Variants in TTN observed in about 807,000 individuals in gnomAD.
TTN encodes titin.
In TTN, 1,525 loss-of-function variants were observed where a neutral mutation model predicts 3,223.0. The observed-to-expected ratio is 0.47, with a 90% CI of 0.45 to 0.49. The LOEUF is 0.49. Ranked by LOEUF, TTN falls within the 20% of genes least tolerant of loss-of-function variation. The pLI is 0.00. For missense variants in TTN, 40,786 were observed against 43,424.0 expected (o/e 0.94, Z 5.40); for synonymous variants, 14,094 against 15,161.0 (o/e 0.93, Z 5.17).
rs1576541228 is a variant in TTN at position 178,620,066 on chromosome 2, C to A, written c.46351G>T (p.Asp15451Tyr). The change falls in exon 249 of 363, where the codon GAT becomes TAT. Residue 15451 changes from aspartate to tyrosine, a missense_variant. Physicochemically the swap from Asp to Tyr is radical, Grantham distance 160 (BLOSUM62 -3). Coordinates refer to ENST00000589042, the MANE Select transcript of TTN (RefSeq NM_001267550.2). ...TCACACTCATCATCCAGCCTGCAAT[C>A]TTTTATAATGAGTCTGTGTATACTT... is the stretch of plus-strand genomic sequence containing the variant. Reference protein sequence around the residue: ...DGSIHRLIIKDCRLDDECEYA... With the variant: ...DGSIHRLIIKYCRLDDECEYA... 6 of 1,611,884 alleles carry A rather than the reference C, an allele frequency of 3.7e-6. No homozygotes were observed. The highest frequency in any genetic ancestry group is 5.1e-6 in the Non-Finnish European group (6 of 1,178,784).
Position 178,718,218 on chromosome 2 carries a change from G to C in TTN, c.24788C>G (p.Pro8263Arg). Residue 8263 changes from proline (P) to arginine (R), a missense_variant, in exon 86 of 363, where the codon CCA (proline) becomes CGA (arginine). Physicochemically the swap from Pro to Arg is moderately radical, Grantham distance 103. Transcript: ENST00000589042. ...TTCCAGAGGTTCAATAAAGTACGGT[G>C]GTTCTATGGTACAAAGGATGGTAGT... ...ICEALVSVLE[P>R]PYFIEPLEHV... 1 of 1,597,446 alleles carries C rather than the reference G, an allele frequency of 6.3e-7. No homozygotes were observed. The highest frequency in any genetic ancestry group is 8.5e-7 in the Non-Finnish European group (1 of 1,174,704).
In TTN at chr2:178,624,749, A is replaced by G; in HGVS notation, c.44549-18T>C. The G allele has an allele frequency of 6.2e-7, 1 of 1,609,980 alleles. No homozygotes were observed. On this transcript the variant is annotated intron_variant, in intron 241 of 362. Coordinates refer to ENST00000589042, the MANE Select transcript of TTN (RefSeq NM_001267550.2). ...TGGGGGTTCTGAAAGAATCATACTC[A>G]TTAGCCAAGGTACTCCTTTCCTTCT...
At chr2:178,679,309 C>T (rs752885435) in intron 142 of TTN, 30 bp downstream of exon 142, 1 of 1,606,208 alleles carries the variant, frequency 6.2e-7, no homozygotes, top group South Asian at 1.1e-5. Context: ...AATTATCATG[C>T]TATTCCACTG....
chr2:178,570,621 C>T lies in TTN; in HGVS notation c.75511G>A (p.Val25171Ile). 1 of 1,613,470 alleles carries T rather than the reference C, an allele frequency of 6.2e-7. No individual in the cohort carries two copies. The highest frequency in any genetic ancestry group is 8.5e-7 in the Non-Finnish European group (1 of 1,179,618). Reference sequence around the variant, plus strand: ...CTGTCGACACGTACTGCATCTTTTACACTGAGACTGGTGGCAAAGTCGGTG... The same window carrying T: ...CTGTCGACACGTACTGCATCTTTTATACTGAGACTGGTGGCAAAGTCGGTG... ...KSTDFATSLS[V>I]KDAVRVDSGN... Residue 25171 changes from valine (V) to isoleucine (I), a missense_variant, in exon 326 of 363, where the codon GTA becomes ATA. Transcript: ENST00000589042.
Position 178,561,884 on chromosome 2 carries a change from C to A in TTN, c.84248G>T (p.Gly28083Val). 6.2e-7 allele frequency: 1 copy of A among 1,613,586 alleles called. No individual in the cohort carries two copies. Among genetic ancestry groups the A allele is most frequent in the Non-Finnish European group, 8.5e-7 (1 of 1,179,736 alleles). Residue 28083 changes from glycine to valine, a missense_variant, in exon 326 of 363, where the codon GGT (glycine) becomes GTT (valine). By Grantham distance (109) the Gly-to-Val change is moderately radical (BLOSUM62 -3). Transcript: ENST00000589042. ...AATGTAATTGCTAATTTGGCAGCCACCATCATATTCTGGAGGATTCCAAGA... is the reference window on the plus strand; with the variant it reads ...AATGTAATTGCTAATTTGGCAGCCAACATCATATTCTGGAGGATTCCAAGA... ...TISWNPPEYD[G>V]GCQISNYIVE...
intron 278 of TTN, among the ~76,000 whole-genome samples, chr2:178,606,180 G>A (rs2054754793): frequency 6.6e-6 from 1 of 151,980 alleles, no homozygotes; most frequent in Non-Finnish European, 1.5e-5. Context: ...TGTATGTAAT[G>A]CTGCTGAAGT....
chr2:178,587,852 A>G, intron 305 of TTN, 47 bp downstream of exon 305: 1 of 1,566,414 alleles, frequency 6.4e-7, no homozygotes, highest in Non-Finnish European at 8.7e-7. Flanking sequence ...TGGGGAAATC[A>G]TAAGAAATTA....
chr2:178,530,214 AG>A, intron 358 of TTN, 26 bp downstream of exon 358: 1 of 1,563,446 alleles, frequency 6.4e-7, no homozygotes, highest in Non-Finnish European at 8.6e-7. Context: ...AGAAGATAAA[AG>A]AAAGAGACAT....
In TTN at chr2:178,701,115, AAT is replaced by A; in HGVS notation, c.30682+3_30682+4del. 1 of 1,613,364 alleles carries A rather than the reference AAT, an allele frequency of 6.2e-7. No individual in the cohort carries two copies. Among genetic ancestry groups the A allele is most frequent in the Non-Finnish European group, 8.5e-7 (1 of 1,179,380 alleles). ...TTCGACATCTAGGTAGATGAGGTAT[AAT>A]ACCTTCAATACGTTTTGGTGGTGGT... is the stretch of plus-strand genomic sequence containing the variant. On this transcript the variant is annotated splice_donor_region_variant and intron_variant, in intron 111 of 362. Coordinates refer to ENST00000589042, the MANE Select transcript of TTN (RefSeq NM_001267550.2).
In TTN at chr2:178,575,592, C is replaced by T; in HGVS notation, c.70540G>A (p.Glu23514Lys). Reference sequence around the variant, plus strand: ...TCTGTTGGCTCACCAATTCCATATTCATTCTCTGCCATCACTCTGAAGAAA... The same window carrying T: ...TCTGTTGGCTCACCAATTCCATATTTATTCTCTGCCATCACTCTGAAGAAA... ...EYFFRVMAEN[E>K]YGIGEPTETT... Residue 23514 changes from glutamate to lysine, a missense_variant, in exon 326 of 363, where the codon GAA (glutamate) becomes AAA (lysine). Glu to Lys is a moderately conservative substitution (Grantham distance 56). Coordinates refer to ENST00000589042, the MANE Select transcript of TTN (RefSeq NM_001267550.2). The surrounding 1 kb of genome is among the most constrained non-coding windows in gnomAD (Gnocchi z 4.0). 6.2e-7 allele frequency: 1 copy of T among 1,613,656 alleles called. No individual in the cohort carries two copies. Among genetic ancestry groups the T allele is most frequent in the Non-Finnish European group, 8.5e-7 (1 of 1,179,656 alleles).
rs587780987 is a variant in TTN, at chr2:178,767,828, G to A, written c.9402C>T (p.Asn3134=). 60 of 1,613,978 alleles carry A rather than the reference G, an allele frequency of 3.7e-5. No individual in the cohort carries two copies. The highest frequency in any genetic ancestry group is 2.2e-4 in the East Asian group (10 of 44,872). Residue 3134 remains asparagine (N), a synonymous_variant, in exon 40 of 363, where the codon AAC becomes AAT. Coordinates refer to ENST00000589042, the MANE Select transcript of TTN (RefSeq NM_001267550.2). ...AGKYTVVAGG[N]VSTAKLFVEG... ...CTACAAAGAGTTTTGCAGTTGACAC[G>A]TTGCCTCCTGCCACCACTGTGTACT...
At position 178,647,240 on chromosome 2, in the gene TTN, T is replaced by A. The variant is rs891889668; in HGVS notation, c.40142-96A>T. 12 of 1,189,022 alleles carry A rather than the reference T, an allele frequency of 1.0e-5. No homozygotes were observed. In the Admixed American group the frequency reaches 3.0e-4, roughly 30 times the overall value. 73.7% of individuals were successfully genotyped at this position (1,189,022 alleles called of 1,614,324 possible). On this transcript the variant is annotated intron_variant, in intron 214 of 362. Coordinates refer to ENST00000589042, the MANE Select transcript of TTN (RefSeq NM_001267550.2). The stretch of plus-strand genomic sequence containing the variant: ...TCAACCTAGTTACATTAAGTAACAC[T>A]CTATAACAGATTATTCAGATGACCC...
rs898701169 is a variant in TTN, at chr2:178,552,290, C to T, written c.90610G>A (p.Val30204Ile). 6.2e-7 allele frequency: 1 copy of T among 1,613,358 alleles called. No homozygotes were observed. The highest frequency in any genetic ancestry group is 1.1e-5 in the South Asian group (1 of 90,928). The change falls in exon 335 of 363, where the codon GTT becomes ATT. Residue 30204 changes from valine to isoleucine, a missense_variant. Transcript: ENST00000589042. ...CTACACACTGCATTATCAAGAATAA[C>T]AGTGTATTTTCCTCCATGCTCCTTC... ...AKKEHGGKYT[V>I]ILDNAVCRIA...
At position 178,549,713 on chromosome 2, in the gene TTN, A is replaced by G. The variant is rs369342933; in HGVS notation, c.92009T>C (p.Ile30670Thr). 1.3e-4 allele frequency: 202 copies of G among 1,613,736 alleles called. 1 individual carries two copies. The East Asian group carries it at 3.9e-3, about 31-fold the overall frequency. Reference sequence around the variant, plus strand: ...ACTTTGGGCTTCACATTTATCCTCAATTAGTGCCCAGGCAAGTCTGCTGGT... The same window carrying G: ...ACTTTGGGCTTCACATTTATCCTCAGTTAGTGCCCAGGCAAGTCTGCTGGT... Reference protein sequence around the residue: ...RETSRLAWALIEDKCEAQSYT... With the variant: ...RETSRLAWALTEDKCEAQSYT... The change falls in exon 338 of 363, where the codon ATT (isoleucine) becomes ACT (threonine). Residue 30670 changes from isoleucine to threonine, a missense_variant. Ile to Thr is a moderately conservative substitution (Grantham distance 89). Transcript: ENST00000589042.
Position 178,553,328 on chromosome 2 carries a change from G to C in TTN, c.89572C>G (p.Gln29858Glu). 1.2e-6 allele frequency: 2 copies of C among 1,604,544 alleles called. No individual in the cohort carries two copies. Among genetic ancestry groups the C allele is most frequent in the Non-Finnish European group, 1.7e-6 (2 of 1,178,476 alleles). ...SVIAKAGEDV[Q>E]VLIPFKGRPP... ...CTGCCTTTAAAGGGAATCAACACTT[G>C]TACATCTTCACCAGCTTTGGCAATA... Residue 29858 changes from glutamine (Q) to glutamate (E), a missense_variant, in exon 335 of 363, where the codon CAA becomes GAA. Coordinates refer to ENST00000589042, the MANE Select transcript of TTN (RefSeq NM_001267550.2).
intron 316 of TTN, among the ~76,000 whole-genome samples, 188 bp downstream of exon 316, chr2:178,581,311 A>T (rs2047688233): frequency 6.6e-6 from 1 of 151,970 alleles, no homozygotes; most frequent in Admixed American, 6.6e-5. Flanking sequence ...AAAACCACAA[A>T]TCATGTGCAT....
rs750670403 is a variant in TTN, at chr2:178,575,466, G to T, written c.70666C>A (p.Pro23556Thr). 8 of 1,613,608 alleles carry T rather than the reference G, an allele frequency of 5.0e-6. No individual in the cohort carries two copies. The East Asian group carries it at 1.8e-4, about 36-fold the overall frequency. ...KSTVSLAWPKPKHDGGSKITG... is the reference protein window; with the variant it reads ...KSTVSLAWPKTKHDGGSKITG... ...ATCTTGCTGCCACCATCGTGTTTGG[G>T]CTTAGGCCATGCCAGGCTGACGGTG... The change falls in exon 326 of 363, where the codon CCC (proline) becomes ACC (threonine). Residue 23556 changes from proline (P) to threonine (T), a missense_variant. Coordinates refer to ENST00000589042, the MANE Select transcript of TTN (RefSeq NM_001267550.2). The surrounding 1 kb of genome is among the most constrained non-coding windows in gnomAD (Gnocchi z 4.0).
At position 178,590,754 on chromosome 2, in the gene TTN, G is replaced by A; in HGVS notation, c.60971C>T (p.Pro20324Leu). Residue 20324 changes from proline to leucine, a missense_variant, in exon 304 of 363, where the codon CCT becomes CTT. By Grantham distance (98) the Pro-to-Leu change is moderately conservative (BLOSUM62 -3). Transcript: ENST00000589042. ...TGKWVRVNKT[P>L]IADLKFRVTG... Reference sequence around the variant, plus strand: ...CACTCTGAACTTCAGGTCAGCGATAGGTGTTTTGTTGACCCTCACCCATTT... The same window carrying A: ...CACTCTGAACTTCAGGTCAGCGATAAGTGTTTTGTTGACCCTCACCCATTT... The A allele has an allele frequency of 6.2e-7, 1 of 1,608,562 alleles. No individual in the cohort carries two copies. The highest frequency in any genetic ancestry group is 8.5e-7 in the Non-Finnish European group (1 of 1,175,950).
rs1488377419 is a variant in TTN, at chr2:178,611,131, T to C, written c.50998A>G (p.Arg17000Gly). ...KDGKEVKASD[R>G]LTMKNDHISA... ...ATGTGATCATTCTTCATTGTTAATCTATCACTTGCTTTAACTTCTTTGCCA... is the reference window on the plus strand; with the variant it reads ...ATGTGATCATTCTTCATTGTTAATCCATCACTTGCTTTAACTTCTTTGCCA... The change falls in exon 270 of 363, where the codon AGA becomes GGA. Residue 17000 changes from arginine to glycine, a missense_variant. By Grantham distance (125) the Arg-to-Gly change is moderately radical. Transcript: ENST00000589042. 1 of 1,612,742 alleles carries C rather than the reference T, an allele frequency of 6.2e-7. No homozygotes were observed. The highest frequency in any genetic ancestry group is 1.3e-5 in the African/African-American group (1 of 74,870).
Sources: gnomAD v4.1 joint callset for allele counts (sites outside exome capture counted in the v4.1 genomes callset) on GRCh38, gnomAD v4.1.1 for gene constraint, Gnocchi (gnomAD v3.1) non-coding constraint, MANE v1.5 for transcripts, NCBI Gene and HGNC (gene_info 2026-07-23, HGNC 2026-07-21) for gene names.